KCTD16: variants seen among roughly 807,000 people sequenced by gnomAD.
The protein encoded by KCTD16 is potassium channel tetramerization domain containing 16, also known as BTB/POZ domain-containing protein KCTD16.
A neutral mutation model predicts 33.2 loss-of-function variants in KCTD16; 13 were observed. The ratio of observed to expected loss-of-function variants is 0.39; its 90% CI spans 0.25 to 0.62. KCTD16 has a LOEUF of 0.62. KCTD16 is among the 20% of genes least tolerant of loss of function. The pLI, the probability that KCTD16 is intolerant of heterozygous loss-of-function variation, is 0.50. For synonymous variants in KCTD16, 197 were observed against 195.3 expected (o/e 1.01, Z -0.07); for missense variants, 441 against 525.1 (o/e 0.84, Z 1.57).
At chr5:144,398,445 G>C (rs956413728) in intron 3 of KCTD16, among the ~76,000 whole-genome samples, 4 of 152,190 alleles carry the variant, frequency 2.6e-5, no homozygotes, top group African/African-American at 9.6e-5. Flanking sequence ...ATGATTATGA[G>C]CTTATGCTAA....
At position 144,425,956 on chromosome 5, in the gene KCTD16, C is replaced by G. The variant is rs183965982; in HGVS notation, c.833-47704C>G. Among the ~76,000 whole-genome samples, 152 of 152,286 alleles carry G rather than the reference C, an allele frequency of 1.0e-3. 2 individuals carry two copies. Among genetic ancestry groups the G allele is most frequent in the Admixed American group, 9.7e-3 (149 of 15,296 alleles). On this transcript the variant is annotated intron_variant, in intron 3 of 3. Coordinates refer to ENST00000512467, the MANE Select transcript of KCTD16 (RefSeq NM_020768.4). ...TAATCTCTTTGTCCCTTGCCACATTCTTAGTTTGCTCTCCTAAATACACCT... is the reference window on the plus strand; with the variant it reads ...TAATCTCTTTGTCCCTTGCCACATTGTTAGTTTGCTCTCCTAAATACACCT...
intron 3 of KCTD16, among the ~76,000 whole-genome samples, chr5:144,210,366 C>G (rs1753344902): frequency 6.6e-6 from 1 of 152,020 alleles, no homozygotes; most frequent in Non-Finnish European, 1.5e-5. Context: ...AGGTGAAATG[C>G]TATGGATTAT....
At chr5:144,219,711 G>T (rs1401741862) in intron 3 of KCTD16, among the ~76,000 whole-genome samples, 3 of 151,432 alleles carry the variant, frequency 2.0e-5, no homozygotes, top group Non-Finnish European at 4.4e-5. Flanking sequence ...GTAGAGATGG[G>T]GTTTCACCAT....
intron 3 of KCTD16, chr5:144,369,481 TG>T (rs888975552): frequency 2.6e-5 from 4 of 152,250 alleles, no homozygotes; most frequent in African/African-American, 9.6e-5. Flanking sequence ...TGGTCATTCT[TG>T]TTATTATTAC....
chr5:144,429,251 C>A (rs1455866634), intron 3 of KCTD16, among the ~76,000 whole-genome samples: 1 of 152,050 alleles, frequency 6.6e-6, no homozygotes, highest in African/African-American at 2.4e-5. Context: ...TTGGAAGTGT[C>A]AAAAATCCAC....
At chr5:144,181,822 G>A (rs1752631222) in intron 2 of KCTD16, among the ~76,000 whole-genome samples, 1 of 152,150 alleles carries the variant, frequency 6.6e-6, no homozygotes, top group South Asian at 2.1e-4. Context: ...GGCAGGGCAC[G>A]GTGGCTCATG....
intron 3 of KCTD16, among the ~76,000 whole-genome samples, chr5:144,208,711 C>T (rs1043155974): frequency 6.6e-6 from 1 of 152,148 alleles, no homozygotes; most frequent in Non-Finnish European, 1.5e-5. Context: ...TGCCGGGAAC[C>T]TTGGTAGAGA....
chr5:144,371,306 T>C (rs866240855), intron 3 of KCTD16, among the ~76,000 whole-genome samples: 3 of 152,182 alleles, frequency 2.0e-5, no homozygotes, highest in Non-Finnish European at 2.9e-5. Context: ...TTTTTTCAAG[T>C]ATAATTTGGG....
chr5:144,261,224 C>A (rs142218185), intron 3 of KCTD16, among the ~76,000 whole-genome samples: 1,791 of 149,524 alleles, frequency 0.012, 28 homozygotes, highest in African/African-American at 0.041. Flanking sequence ...GAACACCTCC[C>A]AGGAAAATAC....
chr5:144,400,390 A>G (rs1334044588), intron 3 of KCTD16, among the ~76,000 whole-genome samples: 1 of 152,198 alleles, frequency 6.6e-6, no homozygotes, highest in Non-Finnish European at 1.5e-5. Flanking sequence ...GTTCCAAAAC[A>G]TAAAACTTGC....
intron 3 of KCTD16, among the ~76,000 whole-genome samples, chr5:144,381,022 A>G (rs1258237679): frequency 2.0e-5 from 3 of 152,218 alleles, no homozygotes; most frequent in Admixed American, 2.0e-4. Flanking sequence ...CAGACAACCT[A>G]TAGAATGGGA....
At chr5:144,309,529 A>G (rs1751703395) in intron 3 of KCTD16, among the ~76,000 whole-genome samples, 2 of 152,172 alleles carry the variant, frequency 1.3e-5, no homozygotes, top group African/African-American at 4.8e-5. Context: ...TGAGATTGGG[A>G]AATGGGCCAG....
intron 3 of KCTD16, among the ~76,000 whole-genome samples, chr5:144,268,322 G>T (rs1421969404): frequency 6.6e-6 from 1 of 152,208 alleles, no homozygotes; most frequent in Non-Finnish European, 1.5e-5. Flanking sequence ...TCGCGCTATT[G>T]TTGACAGCCC....
At chr5:144,330,465 A>G (rs1484593526) in intron 3 of KCTD16, among the ~76,000 whole-genome samples, 1 of 151,804 alleles carries the variant, frequency 6.6e-6, no homozygotes, top group Non-Finnish European at 1.5e-5. Context: ...CTGGGATTAT[A>G]AAAATAATCT....
At chr5:144,225,809 T>C (rs1753914114) in intron 3 of KCTD16, among the ~76,000 whole-genome samples, 1 of 152,208 alleles carries the variant, frequency 6.6e-6, no homozygotes, top group Non-Finnish European at 1.5e-5. Context: ...TTTAGTAGCT[T>C]GCCTAGTTTT....
chr5:144,213,620 A>G (rs1363009860), intron 3 of KCTD16, among the ~76,000 whole-genome samples: 1 of 152,126 alleles, frequency 6.6e-6, no homozygotes, highest in African/African-American at 2.4e-5. Flanking sequence ...AATCAAATTC[A>G]CTCAGTATTT....
chr5:144,344,377 T>C (rs1752727189), intron 3 of KCTD16, among the ~76,000 whole-genome samples: 1 of 111,192 alleles, frequency 9.0e-6, no homozygotes, highest in Non-Finnish European at 1.9e-5. Context: ...ATTAAAGAGC[T>C]TCTGCACAGC....
At chr5:144,376,138 AC>A (rs1752088252) in intron 3 of KCTD16, among the ~76,000 whole-genome samples, 1 of 151,802 alleles carries the variant, frequency 6.6e-6, no homozygotes, top group South Asian at 2.1e-4. Context: ...AGTCATGTCT[AC>A]CTTTTTTTCC....
intron 3 of KCTD16, among the ~76,000 whole-genome samples, chr5:144,226,975 A>G (rs1446612003): frequency 6.6e-6 from 1 of 152,162 alleles, no homozygotes; most frequent in Non-Finnish European, 1.5e-5. Flanking sequence ...TTATTTAACT[A>G]TTTTTATTAA....
Sources: allele counts gnomAD v4.1 joint callset (sites outside exome capture counted in the v4.1 genomes callset), GRCh38; gene constraint gnomAD v4.1.1; transcripts MANE v1.5; gene names NCBI Gene and HGNC (gene_info 2026-07-23, HGNC 2026-07-21).